Variants in DLG2 observed in about 807,000 individuals in gnomAD.
DLG2 encodes discs large MAGUK scaffold protein 2.
Under a neutral mutation model 132.5 loss-of-function variants are expected in DLG2, and 45 were observed. The ratio of observed to expected loss-of-function variants is 0.34; its 90% CI spans 0.27 to 0.44. DLG2 has a LOEUF of 0.44. Ranked by LOEUF, DLG2 falls within the 20% of genes least tolerant of loss-of-function variation. The pLI, the probability that DLG2 is intolerant of heterozygous loss-of-function variation, is 1.00. For synonymous variants in DLG2, 424 were observed against 419.6 expected, an observed-to-expected ratio of 1.01 and a Z score of -0.13; for missense variants, 1,045 against 1,196.9, an observed-to-expected ratio of 0.87 and a Z score of 1.87.
chr11:83,567,185 C>T (rs908194147), intron 19 of DLG2, among the ~76,000 whole-genome samples: 4 of 152,146 alleles, frequency 2.6e-5, no homozygotes, highest in Non-Finnish European at 4.4e-5. Context: ...GCATTCTCAA[C>T]CTCAGAAGGG....
chr11:83,775,351 G>C (rs1332193102), intron 18 of DLG2, among the ~76,000 whole-genome samples: 4 of 152,170 alleles, frequency 2.6e-5, no homozygotes, highest in African/African-American at 9.7e-5. Flanking sequence ...TGCACGGGTT[G>C]TTCTGGAGCC....
chr11:85,216,112 T>TCAGATC (rs2082576053), intron 4 of DLG2, among the ~76,000 whole-genome samples: 1 of 151,786 alleles, frequency 6.6e-6, no homozygotes, highest in African/African-American at 2.4e-5. Context: ...ATGCAGGAGT[T>TCAGATC]CAGATCCACC....
At chr11:83,519,185 C>T (rs1175379185) in intron 21 of DLG2, among the ~76,000 whole-genome samples, 1 of 152,190 alleles carries the variant, frequency 6.6e-6, no homozygotes, top group Non-Finnish European at 1.5e-5. Context: ...AGTGGTTCTG[C>T]AGCGGGGTGT....
At chr11:84,422,238 T>A (rs2098953293) in intron 7 of DLG2, among the ~76,000 whole-genome samples, 2 of 152,252 alleles carry the variant, frequency 1.3e-5, no homozygotes, top group Admixed American at 1.3e-4. Flanking sequence ...GAGCACTTAC[T>A]GTATGCAGCA....
At chr11:83,562,654 C>A (rs1285692162) in intron 19 of DLG2, among the ~76,000 whole-genome samples, 1 of 151,980 alleles carries the variant, frequency 6.6e-6, no homozygotes, top group African/African-American at 2.4e-5. Flanking sequence ...TGTTTCTAAG[C>A]AAATAGGTAC....
intron 8 of DLG2, among the ~76,000 whole-genome samples, chr11:84,190,107 C>T (rs2096375873): frequency 6.6e-6 from 1 of 151,216 alleles, no homozygotes; most frequent in South Asian, 2.1e-4. Context: ...CCCTGTTTGA[C>T]TTAAAGGAAG....
rs369514672 is a variant in DLG2, at chr11:84,624,681, A to G, written c.358-89950T>C. On this transcript the variant is annotated intron_variant, in intron 6 of 27. Transcript: ENST00000376104. The stretch of plus-strand genomic sequence containing the variant: ...AGATTTACTCATCAAGCTCTTCCCC[A>G]TGACATTCCTCCTTTTATTGGTCCT... 2.1e-4 allele frequency among the ~76,000 whole-genome samples: 32 copies of G among 151,512 alleles called. 1 individual carries two copies. Among genetic ancestry groups the G allele is most frequent in the East Asian group, 1.9e-3 (10 of 5,142 alleles).
At chr11:84,877,932 C>T (rs1312643713) in intron 6 of DLG2, among the ~76,000 whole-genome samples, 1 of 152,090 alleles carries the variant, frequency 6.6e-6, no homozygotes, top group Non-Finnish European at 1.5e-5. Flanking sequence ...CAAAAGAAGA[C>T]ATTTATGTGG....
chr11:83,907,128 G>A (rs1279873326), intron 15 of DLG2, among the ~76,000 whole-genome samples: 1 of 152,062 alleles, frequency 6.6e-6, no homozygotes, highest in Non-Finnish European at 1.5e-5. Flanking sequence ...CACTTAATAT[G>A]GGAGAAACAG....
intron 11 of DLG2, among the ~76,000 whole-genome samples, chr11:84,003,765 CCATATTAATTCCA>C (rs765713054): frequency 6.6e-6 from 1 of 151,904 alleles, no homozygotes; most frequent in Non-Finnish European, 1.5e-5. Context: ...TAAAGCCTAA[CCATATTAATTCCA>C]CAGAAATACA....
intron 17 of DLG2, among the ~76,000 whole-genome samples, chr11:83,799,750 T>C (rs897642688): frequency 2.0e-5 from 3 of 152,134 alleles, no homozygotes; most frequent in African/African-American, 7.2e-5. Context: ...GGATAATGTA[T>C]TTTGTTTTAG....
intron 18 of DLG2, among the ~76,000 whole-genome samples, chr11:83,775,480 C>A (rs1463695783): frequency 6.6e-6 from 1 of 152,126 alleles, no homozygotes; most frequent in Non-Finnish European, 1.5e-5. Context: ...GGGAATATAA[C>A]CTATATCACA....
At chr11:84,132,356 G>A (rs534885680) in intron 9 of DLG2, among the ~76,000 whole-genome samples, 6 of 152,090 alleles carry the variant, frequency 3.9e-5, no homozygotes, top group East Asian at 3.9e-4. Flanking sequence ...TCCACCATGC[G>A]TTGGGGTGGT....
chr11:85,070,097 G>A (rs1171707770), intron 6 of DLG2, among the ~76,000 whole-genome samples: 1 of 151,878 alleles, frequency 6.6e-6, no homozygotes, highest in African/African-American at 2.4e-5. Context: ...GGTGGGAATT[G>A]AACAATGAGA....
intron 18 of DLG2, among the ~76,000 whole-genome samples, chr11:83,773,427 A>T (rs902625527): frequency 6.6e-6 from 1 of 152,220 alleles, no homozygotes; most frequent in Non-Finnish European, 1.5e-5. Flanking sequence ...CTATTTTCAA[A>T]TTCTCAAAGC....
chr11:84,069,231 T>C (rs2096721673), intron 10 of DLG2, among the ~76,000 whole-genome samples: 1 of 152,220 alleles, frequency 6.6e-6, no homozygotes, highest in South Asian at 2.1e-4. Context: ...CTCTAGGTTT[T>C]GAAGGGTCAT....
chr11:84,881,529 C>T (rs900632570), intron 6 of DLG2, among the ~76,000 whole-genome samples: 1 of 152,082 alleles, frequency 6.6e-6, no homozygotes, highest in Admixed American at 6.6e-5. Context: ...TATTTCTTAA[C>T]GGGGGTGCTA....
intron 3 of DLG2, among the ~76,000 whole-genome samples, chr11:85,295,334 G>T (rs1304901064): frequency 6.6e-6 from 1 of 152,092 alleles, no homozygotes; most frequent in Non-Finnish European, 1.5e-5. Flanking sequence ...TCCAATCTGT[G>T]ATTAAGTATT....
At chr11:85,070,871 C>T (rs1417819809) in intron 6 of DLG2, among the ~76,000 whole-genome samples, 1 of 151,762 alleles carries the variant, frequency 6.6e-6, no homozygotes, top group African/African-American at 2.4e-5. Flanking sequence ...CAACTTTTAC[C>T]TTCATGTTGG....
Sources: allele counts gnomAD v4.1 joint callset (sites outside exome capture counted in the v4.1 genomes callset), GRCh38; gene constraint gnomAD v4.1.1; transcripts MANE v1.5; gene names NCBI Gene and HGNC (gene_info 2026-07-23, HGNC 2026-07-21).